The following SGCD variants were observed in gnomAD, a reference collection of about 807,000 sequenced individuals.
The protein encoded by SGCD is delta-sarcoglycan.
Under a neutral mutation model 36.6 loss-of-function variants are expected in SGCD, and 18 were observed. The observed-to-expected ratio is 0.49, with a 90% CI of 0.34 to 0.73. The LOEUF (loss-of-function observed/expected upper bound fraction) is 0.73. Ranked by LOEUF, SGCD falls within the 30% of genes least tolerant of loss-of-function variation. The pLI, the probability that SGCD is intolerant of heterozygous loss-of-function variation, is 0.01. For missense variants in SGCD, 387 were observed against 346.7 expected (o/e 1.12, Z -0.92); for synonymous variants, 133 against 130.6 (o/e 1.02, Z -0.12).
rs576414356 is a variant in SGCD at position 156,363,502 on chromosome 5, A to G, written c.192+18825A>G. On this transcript the variant is annotated intron_variant, in intron 3 of 8. Coordinates refer to ENST00000337851, the MANE Select transcript of SGCD (RefSeq NM_000337.6). ...TAAGTTACCTAGGTTTTTTTAGTCT[A>G]TTTGAATGACAGCTCAAATTTCATT... 2.8e-4 allele frequency among the ~76,000 whole-genome samples: 43 copies of G among 152,284 alleles called. No homozygotes were observed. In the South Asian group the frequency reaches 8.3e-3, roughly 29 times the overall value.
intron 3 of SGCD, among the ~76,000 whole-genome samples, chr5:156,297,030 A>T (rs28445685): frequency 0.035 from 4,893 of 140,250 alleles, 107 homozygotes; most frequent in African/African-American, 0.074. Context: ...ATAGCATATA[A>T]ATATATATAT....
chr5:156,472,736 A>T (rs867659110), intron 3 of SGCD, among the ~76,000 whole-genome samples: 1 of 152,148 alleles, frequency 6.6e-6, no homozygotes, highest in Non-Finnish European at 1.5e-5. Context: ...ATACAAATAA[A>T]TTTTTTAAAA....
At chr5:155,931,373 A>AT (rs1055397536) in intron 1 of SGCD, among the ~76,000 whole-genome samples, 4 of 152,246 alleles carry the variant, frequency 2.6e-5, no homozygotes, top group East Asian at 1.9e-4. Context: ...TTATTTTTCC[A>AT]TTTTTTATTT....
chr5:156,239,399 C>CAAAAAAAAAAAAAAAAAAAAA (rs34839655), intron 3 of SGCD, among the ~76,000 whole-genome samples: 1 of 72,660 alleles, frequency 1.4e-5, no homozygotes, highest in Non-Finnish European at 2.6e-5. Context: ...GATTTCATCT[C>CAAAAAAAAAAAAAAAAAAAAA]AAAAAAAAAA....
intron 7 of SGCD, among the ~76,000 whole-genome samples, chr5:156,701,553 G>A (rs1754529593): frequency 6.6e-6 from 1 of 152,148 alleles, no homozygotes; most frequent in African/African-American, 2.4e-5. Flanking sequence ...TCTAATTGGG[G>A]ATGGGGGACA....
At chr5:155,891,927 A>C (rs1384713992) in intron 1 of SGCD, among the ~76,000 whole-genome samples, 1 of 152,228 alleles carries the variant, frequency 6.6e-6, no homozygotes, top group Non-Finnish European at 1.5e-5. Context: ...GAATTATAGA[A>C]GTAATCTGTG....
the SGCD span, among the ~76,000 whole-genome samples, chr5:155,774,187 A>G: frequency 5.3e-5 from 8 of 152,170 alleles, no homozygotes; most frequent in East Asian, 1.4e-3. Context: ...ACTTCAGGAT[A>G]TTTTGGGTTT....
intron 1 of SGCD, among the ~76,000 whole-genome samples, chr5:156,080,461 G>T (rs1760921426): frequency 6.6e-6 from 1 of 152,174 alleles, no homozygotes; most frequent in Non-Finnish European, 1.5e-5. Context: ...ATATGGCAAG[G>T]CTGCAGATTT....
At chr5:156,733,570 G>A (rs1306178742) in intron 7 of SGCD, among the ~76,000 whole-genome samples, 1 of 151,818 alleles carries the variant, frequency 6.6e-6, no homozygotes, top group East Asian at 1.9e-4. Flanking sequence ...TTGAATATCT[G>A]TCTCAATGAT....
chr5:156,062,264 A>C (rs370680222), intron 1 of SGCD, among the ~76,000 whole-genome samples: 1 of 42,946 alleles, frequency 2.3e-5, no homozygotes, highest in Non-Finnish European at 3.7e-5. Context: ...ATATGAACTC[A>C]TCATTTTTTA....
intron 3 of SGCD, among the ~76,000 whole-genome samples, chr5:156,497,985 G>C (rs1402470610): frequency 6.6e-6 from 1 of 152,092 alleles, no homozygotes; most frequent in Non-Finnish European, 1.5e-5. Flanking sequence ...AACATTCTCT[G>C]TGTCTTATTC....
At chr5:156,515,989 C>T (rs1304399041) in intron 4 of SGCD, among the ~76,000 whole-genome samples, 1 of 152,244 alleles carries the variant, frequency 6.6e-6, no homozygotes, top group Non-Finnish European at 1.5e-5. Flanking sequence ...TCAGCAACTG[C>T]AGCCAGAGGT....
intron 3 of SGCD, among the ~76,000 whole-genome samples, chr5:156,419,802 A>T (rs183597042): frequency 6.6e-6 from 1 of 152,128 alleles, no homozygotes; most frequent in Admixed American, 6.5e-5. Context: ...GCCTATTCCC[A>T]TGGTTACATG....
intron 4 of SGCD, among the ~76,000 whole-genome samples, chr5:156,588,988 TTGTGTGTGTGTGTGTGTGTG>T (rs113243314): frequency 1.4e-5 from 2 of 143,058 alleles, no homozygotes; most frequent in East Asian, 4.1e-4. Context: ...GGAATCTATA[TTGTGTGTGTGTGTGTGTGTG>T]TGTGTGTGTG....
intron 3 of SGCD, among the ~76,000 whole-genome samples, chr5:156,253,049 A>G (rs1385240528): frequency 1.3e-5 from 2 of 152,220 alleles, no homozygotes; most frequent in African/African-American, 4.8e-5. Context: ...GTAAAAACCC[A>G]TACAACTACT....
At chr5:155,915,202 CA>C (rs1756711059) in intron 1 of SGCD, among the ~76,000 whole-genome samples, 1 of 152,142 alleles carries the variant, frequency 6.6e-6, no homozygotes, top group South Asian at 2.1e-4. Context: ...ACTTTTGAGA[CA>C]TTTTTTCCTG....
intron 4 of SGCD, among the ~76,000 whole-genome samples, chr5:156,533,928 T>C (rs1381268109): frequency 1.3e-5 from 2 of 152,196 alleles, no homozygotes; most frequent in Admixed American, 6.5e-5. Flanking sequence ...TGTCCCCACG[T>C]AGACAATAAA....
At chr5:156,217,813 GTA>G (rs1253362967) in intron 3 of SGCD, among the ~76,000 whole-genome samples, 1 of 151,548 alleles carries the variant, frequency 6.6e-6, no homozygotes, top group Admixed American at 6.6e-5. Flanking sequence ...ATGTATGTAT[GTA>G]TATATATATA....
chr5:156,700,098 CTCAG>C (rs1754471772), intron 7 of SGCD, among the ~76,000 whole-genome samples: 2 of 152,168 alleles, frequency 1.3e-5, no homozygotes, highest in South Asian at 4.1e-4. Context: ...AAACTCCATC[CTCAG>C]TCAATCTAAT....
Sources: allele counts gnomAD v4.1 joint callset (sites outside exome capture counted in the v4.1 genomes callset), GRCh38; gene constraint gnomAD v4.1.1; transcripts MANE v1.5; gene names NCBI Gene and HGNC (gene_info 2026-07-23, HGNC 2026-07-21).